KDM6A: variants seen among roughly 807,000 people sequenced by gnomAD.
KDM6A encodes lysine demethylase 6A.
In KDM6A, 11 loss-of-function variants were observed where a neutral mutation model predicts 117.6. The observed-to-expected ratio is 0.09, with a 90% CI of 0.06 to 0.15. The LOEUF is 0.15. KDM6A is among the 10% of genes least tolerant of loss of function. The pLI is 1.00. For synonymous variants in KDM6A, 384 were observed against 396.1 expected (o/e 0.97, Z 0.36); for missense variants, 799 against 1,077.3 (o/e 0.74, Z 3.62).
At chrX:45,015,837 G>T (rs1172539) in intron 5 of KDM6A, among the ~76,000 whole-genome samples, 1 of 111,777 alleles carries the variant, frequency 8.9e-6, no homozygotes, top group Non-Finnish European at 1.9e-5. Context: ...TTTTGGAAGG[G>T]CTTTGATTAA....
In KDM6A at chrX:45,079,005, G is replaced by A; in HGVS notation, c.3095-141G>A. On this transcript the variant is annotated intron_variant, in intron 20 of 29. Transcript: ENST00000611820. ...GCAAACTTGGCACATAGCTCAGGTTGTGCAGAGGCCCTAGTTTTTTATGGG... is the reference window on the plus strand; with the variant it reads ...GCAAACTTGGCACATAGCTCAGGTTATGCAGAGGCCCTAGTTTTTTATGGG... 5 of 507,968 alleles carry A rather than the reference G, an allele frequency of 9.8e-6. No homozygotes were observed. In the South Asian group the frequency reaches 1.6e-4, roughly 17 times the overall value. 41.9% of individuals were successfully genotyped at this position (507,968 alleles called of 1,213,427 possible). A position where few individuals can be genotyped will look rare whatever the true frequency, so the allele number is the denominator to read the frequency against.
At chrX:45,076,475 T>C (rs1308227235) in intron 18 of KDM6A, among the ~76,000 whole-genome samples, 1 of 111,053 alleles carries the variant, frequency 9.0e-6, no homozygotes, top group Non-Finnish European at 1.9e-5. Context: ...TTATATGTTG[T>C]GATATCTTTT....
intron 8 of KDM6A, among the ~76,000 whole-genome samples, chrX:45,050,046 A>G (rs1188611207): frequency 1.8e-5 from 2 of 112,977 alleles, no homozygotes; most frequent in African/African-American, 6.4e-5. Context: ...AGTTGATTTA[A>G]TAACTCTGGA....
At chrX:44,998,196 C>G (rs907676562) in intron 4 of KDM6A, among the ~76,000 whole-genome samples, 16 of 111,422 alleles carry the variant, frequency 1.4e-4, no homozygotes, top group African/African-American at 4.9e-4. Flanking sequence ...TTGAAATAGG[C>G]CAAGTATGTA....
chrX:44,924,103 G>A (rs796656162), intron 2 of KDM6A, among the ~76,000 whole-genome samples: 1 of 112,020 alleles, frequency 8.9e-6, no homozygotes, highest in Non-Finnish European at 1.9e-5. Flanking sequence ...TATTTTCCCT[G>A]TCTTTAACAT....
chrX:44,941,162 G>T (rs1349376897), intron 2 of KDM6A, among the ~76,000 whole-genome samples: 1 of 112,203 alleles, frequency 8.9e-6, no homozygotes, highest in Non-Finnish European at 1.9e-5. Context: ...AAACAAGGTG[G>T]TATGATTACT....
chrX:45,051,730 G>C lies in KDM6A; in HGVS notation c.676G>C (p.Glu226Gln), dbSNP rs2043859303. 2 of 1,176,469 alleles carry C rather than the reference G, an allele frequency of 1.7e-6. No homozygotes were observed. The highest frequency in any genetic ancestry group is 2.2e-5 in the Admixed American group (1 of 44,813). Residue 226 changes from glutamate to glutamine, a missense_variant, in exon 9 of 30, where the codon GAA becomes CAA. This residue lies in a region of KDM6A where 63 missense variants were observed against 68.2 expected (regional missense o/e 0.92). Coordinates refer to ENST00000611820, the MANE Select transcript of KDM6A (RefSeq NM_001291415.2). ...ETQRKYHSAK[E>Q]AYEQLLQTEN... ...TTAGAGGAAATATCATTCTGCAAAA[G>C]AAGCTTATGAACAACTTTTGCAGAC...
At chrX:44,907,230 T>C (rs1224373879) in intron 2 of KDM6A, among the ~76,000 whole-genome samples, 1 of 112,405 alleles carries the variant, frequency 8.9e-6, no homozygotes, top group African/African-American at 3.2e-5. Flanking sequence ...CTCATATGTA[T>C]GTAAGCCCCA....
chrX:44,912,508 TC>T (rs1404802479), intron 2 of KDM6A, among the ~76,000 whole-genome samples: 1 of 112,270 alleles, frequency 8.9e-6, no homozygotes, highest in Non-Finnish European at 1.9e-5. Context: ...TAGTTGGAAA[TC>T]CTTTTTCCAT....
intron 2 of KDM6A, among the ~76,000 whole-genome samples, chrX:44,916,636 T>C (rs2035575600): frequency 9.0e-6 from 1 of 111,109 alleles, no homozygotes; most frequent in Non-Finnish European, 1.9e-5. Context: ...TGCATTTTTC[T>C]ATTTTTTAAA....
intron 2 of KDM6A, among the ~76,000 whole-genome samples, chrX:44,936,675 T>C (rs1265432961): frequency 8.9e-6 from 1 of 112,219 alleles, no homozygotes; most frequent in Non-Finnish European, 1.9e-5. Flanking sequence ...AGAGAGATCT[T>C]GGGGATGGAA....
chrX:45,003,913 A>C (rs771343146), intron 4 of KDM6A, among the ~76,000 whole-genome samples: 178 of 13,415 alleles, frequency 0.013, no homozygotes, highest in African/African-American at 0.021. Context: ...CCCCTCTTCC[A>C]CCCCCGCTTC....
intron 2 of KDM6A, 150 bp downstream of exon 2, chrX:44,874,137 C>T (rs2031203450): frequency 1.9e-6 from 1 of 523,208 alleles, no homozygotes; most frequent in Non-Finnish European, 3.3e-6. Flanking sequence ...GCTCTCCCCC[C>T]ACCCCCGGGT....
At chrX:44,949,194 A>T (rs1194872880) in intron 2 of KDM6A, among the ~76,000 whole-genome samples, 1 of 110,961 alleles carries the variant, frequency 9.0e-6, no homozygotes, top group Admixed American at 9.6e-5. Flanking sequence ...AGTTTGAGAG[A>T]CCAGCCTGGT....
Position 44,902,001 on chromosome X carries a change from C to T in KDM6A, c.225+28014C>T, listed in dbSNP as rs769832753. Reference sequence around the variant, plus strand: ...CAGCACTTTGGGAGGCCGAGGCAGGCGGATCACCTGAGGTCAGGAGTTTGA... The same window carrying T: ...CAGCACTTTGGGAGGCCGAGGCAGGTGGATCACCTGAGGTCAGGAGTTTGA... On this transcript the variant is annotated intron_variant, in intron 2 of 29. Transcript: ENST00000611820. 6.5e-4 allele frequency among the ~76,000 whole-genome samples: 73 copies of T among 112,055 alleles called. 1 individual carries two copies. Among genetic ancestry groups the T allele is most frequent in the Admixed American group, 5.5e-3 (58 of 10,628 alleles).
chrX:45,081,700 G>A (rs1259881934), intron 21 of KDM6A, among the ~76,000 whole-genome samples: 2 of 112,159 alleles, frequency 1.8e-5, no homozygotes, highest in African/African-American at 6.5e-5. Context: ...ATGAGAATCT[G>A]TATTATAACT....
At chrX:45,097,385 G>C (rs1390154909) in intron 27 of KDM6A, among the ~76,000 whole-genome samples, 1 of 111,327 alleles carries the variant, frequency 9.0e-6, no homozygotes, top group Non-Finnish European at 1.9e-5. Context: ...GATTTAGAAA[G>C]GTAATTGAGT....
intron 2 of KDM6A, among the ~76,000 whole-genome samples, chrX:44,890,166 A>T (rs1602066617): frequency 8.9e-6 from 1 of 112,564 alleles, no homozygotes; most frequent in East Asian, 2.8e-4. Context: ...TATAAGTGGG[A>T]TCATACAGTA....
At chrX:45,030,617 A>G (rs1413684615) in intron 6 of KDM6A, among the ~76,000 whole-genome samples, 8 of 110,203 alleles carry the variant, frequency 7.3e-5, no homozygotes, top group African/African-American at 2.6e-4. Flanking sequence ...GTACCATGGC[A>G]TCCTAGGGCA....
Sources: allele counts gnomAD v4.1 joint callset (sites outside exome capture counted in the v4.1 genomes callset), GRCh38; gene constraint gnomAD v4.1.1; regional missense constraint gnomAD v4.1.1; transcripts MANE v1.5; gene names NCBI Gene and HGNC (gene_info 2026-07-23, HGNC 2026-07-21).